Variants in PTPRD observed in about 807,000 individuals in gnomAD.
The protein encoded by PTPRD is receptor-type tyrosine-protein phosphatase delta.
PTPRD carries 34 observed loss-of-function variants against 214.5 expected under a neutral mutation model. The observed-to-expected ratio is 0.16, with a 90% confidence interval of 0.12 to 0.21. The LOEUF (loss-of-function observed/expected upper bound fraction) is 0.21. Among genes scored for constraint, PTPRD ranks in the 10% least tolerant of loss-of-function variants. PTPRD has a pLI of 1.00. For synonymous variants in PTPRD, 1,128 were observed against 845.7 expected (o/e 1.33, Z -5.79); for missense variants, 2,545 against 2,398.7 (o/e 1.06, Z -1.27).
At chr9:9,258,702 A>G (rs747521407) in intron 9 of PTPRD, among the ~76,000 whole-genome samples, 7 of 151,894 alleles carry the variant, frequency 4.6e-5, no homozygotes, top group African/African-American at 7.2e-5. Context: ...AACAAAACCT[A>G]CTGCTTTTAG....
chr9:9,347,927 A>G (rs2049498956), intron 9 of PTPRD, among the ~76,000 whole-genome samples: 1 of 152,186 alleles, frequency 6.6e-6, no homozygotes, highest in Non-Finnish European at 1.5e-5. Context: ...TGTCCTTTTC[A>G]GACACATCAT....
At chr9:8,364,390 T>C (rs577569563) in intron 39 of PTPRD, among the ~76,000 whole-genome samples, 1 of 152,386 alleles carries the variant, frequency 6.6e-6, no homozygotes, top group East Asian at 1.9e-4. Flanking sequence ...TTGACAAATT[T>C]CTTTCTCTCT....
chr9:10,002,802 A>T (rs890656644), intron 4 of PTPRD, among the ~76,000 whole-genome samples: 5 of 151,576 alleles, frequency 3.3e-5, no homozygotes, highest in African/African-American at 1.2e-4. Flanking sequence ...TAAAAAAAAA[A>T]GACTTCAATA....
chr9:10,455,795 A>G (rs2098910590), intron 2 of PTPRD, among the ~76,000 whole-genome samples: 1 of 151,780 alleles, frequency 6.6e-6, no homozygotes, highest in African/African-American at 2.4e-5. Context: ...ATTTATTTAT[A>G]AGGAAAAAAC....
At chr9:8,370,205 TATACACACACACAC>T (rs1362540678) in intron 39 of PTPRD, among the ~76,000 whole-genome samples, 12 of 63,374 alleles carry the variant, frequency 1.9e-4, no homozygotes, top group African/African-American at 4.0e-4. Flanking sequence ...CACATATATA[TATACACACACACAC>T]ACACACACAC....
intron 5 of PTPRD, among the ~76,000 whole-genome samples, chr9:9,880,501 A>G (rs2068319146): frequency 6.6e-6 from 1 of 152,208 alleles, no homozygotes; most frequent in Non-Finnish European, 1.5e-5. Flanking sequence ...GAATTTATAT[A>G]CAAATTAAAA....
chr9:10,097,009 G>A (rs1170383244), intron 3 of PTPRD, among the ~76,000 whole-genome samples: 1 of 151,818 alleles, frequency 6.6e-6, no homozygotes, highest in Non-Finnish European at 1.5e-5. Flanking sequence ...TTTCCTCATT[G>A]CTTGTTTTGG....
intron 11 of PTPRD, among the ~76,000 whole-genome samples, chr9:8,895,035 C>A (rs2154245489): frequency 6.6e-6 from 1 of 152,334 alleles, no homozygotes; most frequent in East Asian, 1.9e-4. Flanking sequence ...CAAGCTTTAT[C>A]TTTTCACTTT....
At chr9:8,940,959 A>G (rs2099030389) in intron 11 of PTPRD, among the ~76,000 whole-genome samples, 2 of 152,162 alleles carry the variant, frequency 1.3e-5, no homozygotes, top group Non-Finnish European at 2.9e-5. Flanking sequence ...TCAAAGCAAG[A>G]AATTGAAATG....
At chr9:10,481,208 T>C (rs1312216304) in intron 2 of PTPRD, among the ~76,000 whole-genome samples, 2 of 152,124 alleles carry the variant, frequency 1.3e-5, no homozygotes, top group Non-Finnish European at 2.9e-5. Flanking sequence ...GCATAGACGG[T>C]ATATGGATAT....
chr9:10,393,967 A>G (rs1485780664), intron 2 of PTPRD, among the ~76,000 whole-genome samples: 1 of 148,078 alleles, frequency 6.8e-6, no homozygotes, highest in Admixed American at 6.8e-5. Flanking sequence ...CTCTTAGGAT[A>G]CAGCTGTGAC....
intron 4 of PTPRD, among the ~76,000 whole-genome samples, chr9:9,965,527 T>C (rs767744325): frequency 3.9e-5 from 6 of 152,198 alleles, no homozygotes; most frequent in Non-Finnish European, 7.4e-5. Flanking sequence ...AAGGACCTCA[T>C]GCCATGCTAA....
At chr9:10,094,430 C>A (rs1025826743) in intron 3 of PTPRD, among the ~76,000 whole-genome samples, 3 of 150,942 alleles carry the variant, frequency 2.0e-5, no homozygotes, top group Non-Finnish European at 3.0e-5. Flanking sequence ...CATGCTCCTT[C>A]TTTCCTAAAC....
chr9:10,323,763 A>G (rs1171162750), intron 3 of PTPRD, among the ~76,000 whole-genome samples: 4 of 151,940 alleles, frequency 2.6e-5, no homozygotes, highest in Non-Finnish European at 1.5e-5. Flanking sequence ...TCCTGTCTGG[A>G]GATTTTAAAT....
intron 11 of PTPRD, among the ~76,000 whole-genome samples, chr9:8,984,112 T>C (rs891201342): frequency 3.3e-5 from 5 of 152,212 alleles, no homozygotes; most frequent in Non-Finnish European, 7.4e-5. Context: ...TGGAAGAGCC[T>C]ATTTTTTAAG....
chr9:9,932,056 C>A (rs1250608003), intron 5 of PTPRD, among the ~76,000 whole-genome samples: 13 of 150,918 alleles, frequency 8.6e-5, no homozygotes, highest in Admixed American at 7.9e-4. Context: ...GAAAGGACAT[C>A]CACACCAAAA....
intron 3 of PTPRD, among the ~76,000 whole-genome samples, chr9:10,083,782 G>A (rs2098281553): frequency 6.6e-6 from 1 of 151,950 alleles, no homozygotes; most frequent in Non-Finnish European, 1.5e-5. Flanking sequence ...ACGCGACCTA[G>A]ATCCCTCACA....
intron 3 of PTPRD, among the ~76,000 whole-genome samples, chr9:10,235,687 C>G (rs185829426): frequency 8.7e-4 from 133 of 152,094 alleles, no homozygotes; most frequent in African/African-American, 3.1e-3. Flanking sequence ...AATCCATTGT[C>G]ATTAAACTCT....
At chr9:10,065,032 A>G (rs2097849227) in intron 3 of PTPRD, among the ~76,000 whole-genome samples, 1 of 151,836 alleles carries the variant, frequency 6.6e-6, no homozygotes, top group Non-Finnish European at 1.5e-5. Flanking sequence ...ACTAGGTATA[A>G]AAAGATGTTT....
Sources: gnomAD v4.1 joint callset for allele counts (sites outside exome capture counted in the v4.1 genomes callset) on GRCh38, gnomAD v4.1.1 for gene constraint, MANE v1.5 for transcripts, NCBI Gene and HGNC (gene_info 2026-07-23, HGNC 2026-07-21) for gene names.